Variants in ATP5PB observed in about 807,000 individuals in gnomAD.
ATP5PB encodes the protein ATP synthase peripheral stalk subunit b, mitochondrial.
Under a neutral mutation model 34.5 loss-of-function variants are expected in ATP5PB, and 21 were observed. The ratio of observed to expected loss-of-function variants is 0.61; its 90% CI spans 0.43 to 0.88. ATP5PB has a LOEUF of 0.88. ATP5PB is among the 40% of genes least tolerant of loss of function. The pLI is 0.00. For missense variants in ATP5PB, 293 were observed against 317.4 expected (o/e 0.92, Z 0.58); for synonymous variants, 108 against 114.1 (o/e 0.95, Z 0.34).
At chr1:111,455,586 G>A (rs1391683386) in intron 3 of ATP5PB, among the ~76,000 whole-genome samples, 6 of 152,178 alleles carry the variant, frequency 3.9e-5, no homozygotes, top group Admixed American at 3.9e-4. Flanking sequence ...TACAGGAATT[G>A]AGAATCCTAA....
intron 2 of ATP5PB, among the ~76,000 whole-genome samples, chr1:111,450,370 G>A (rs528263835): frequency 6.6e-6 from 1 of 152,286 alleles, no homozygotes; most frequent in South Asian, 2.1e-4. Flanking sequence ...ACAAGAATGA[G>A]TATGGCTAAT....
At position 111,449,650 on chromosome 1, in the gene ATP5PB, G is replaced by A. The variant is rs1571373250; in HGVS notation, c.40+69G>A. ...AAGAAGCGAATCTAGGGGTGACAGGGAGGGGAGAAGGGCGCAGCGACACGG... is the reference window on the plus strand; with the variant it reads ...AAGAAGCGAATCTAGGGGTGACAGGAAGGGGAGAAGGGCGCAGCGACACGG... On this transcript the variant is annotated intron_variant, in intron 1 of 6. Coordinates refer to ENST00000369722, the MANE Select transcript of ATP5PB (RefSeq NM_001688.5). 5 of 1,560,012 alleles carry A rather than the reference G, an allele frequency of 3.2e-6. No individual in the cohort carries two copies. In the East Asian group the frequency reaches 9.0e-5, roughly 28 times the overall value.
chr1:111,456,816 A>G, intron 5 of ATP5PB, 61 bp downstream of exon 5: 1 of 1,487,350 alleles, frequency 6.7e-7, no homozygotes, highest in Non-Finnish European at 8.9e-7. Context: ...TTTTTAATTC[A>G]GAATTTTTTA....
intron 5 of ATP5PB, among the ~76,000 whole-genome samples, chr1:111,457,969 C>T (rs537337210): frequency 2.0e-5 from 3 of 152,232 alleles, no homozygotes; most frequent in South Asian, 4.2e-4. Flanking sequence ...TCCTAAGAGT[C>T]AAATGATAGT....
In ATP5PB at chr1:111,462,403, G is replaced by C. The variant is rs1437582974; in HGVS notation, c.*1409G>C. The C allele has an allele frequency of 6.6e-6, 1 of 152,136 alleles. No homozygotes were observed. Among genetic ancestry groups the C allele is most frequent in the African/African-American group, 2.4e-5 (1 of 41,418 alleles). The allele number at this position is 152,136 out of a possible 1,614,324, so 9.4% of individuals were successfully genotyped here. A position where few individuals can be genotyped will look rare whatever the true frequency, so the allele number is the denominator to read the frequency against. On this transcript the variant is annotated 3_prime_UTR_variant, in exon 7 of 7. Transcript: ENST00000369722. ...ATGTATTTAATACTGTTCTTAAATG[G>C]TACACTTAAAAATGGTAAATTTTAT...
At chr1:111,453,427 C>T (rs1239979442) in intron 2 of ATP5PB, among the ~76,000 whole-genome samples, 3 of 148,914 alleles carry the variant, frequency 2.0e-5, no homozygotes, top group African/African-American at 7.4e-5. Context: ...AAAGATAAAA[C>T]CAGAGAAGTC....
At chr1:111,457,879 A>G (rs1194331558) in intron 5 of ATP5PB, among the ~76,000 whole-genome samples, 1 of 152,248 alleles carries the variant, frequency 6.6e-6, no homozygotes, top group East Asian at 1.9e-4. Context: ...TGCTTCTTGC[A>G]TAGTATATAC....
At chr1:111,454,941 T>A (rs1402994867) in intron 3 of ATP5PB, among the ~76,000 whole-genome samples, 3 of 152,236 alleles carry the variant, frequency 2.0e-5, no homozygotes, top group African/African-American at 7.2e-5. Flanking sequence ...AAGTGCCTGC[T>A]GTCCTGGAAC....
chr1:111,453,402 T>C (rs1653385484), intron 2 of ATP5PB, among the ~76,000 whole-genome samples: 1 of 146,144 alleles, frequency 6.8e-6, no homozygotes, highest in South Asian at 2.1e-4. Flanking sequence ...GTATACCTCA[T>C]TAAAAAAAAA....
intron 6 of ATP5PB, among the ~76,000 whole-genome samples, chr1:111,460,436 GT>G (rs532728250): frequency 0.089 from 11,142 of 125,770 alleles, 964 homozygotes; most frequent in African/African-American, 0.23. Flanking sequence ...GTCTATCAAA[GT>G]TTTTTTTTTT....
Position 111,456,674 on chromosome 1 carries a change from A to G in ATP5PB, c.432A>G (p.Gln144=). 1 of 1,613,810 alleles carries G rather than the reference A, an allele frequency of 6.2e-7. No homozygotes were observed. The highest frequency in any genetic ancestry group is 8.5e-7 in the Non-Finnish European group (1 of 1,179,898). The part of the protein sequence containing the change: ...QLEEAKQASI[Q]HIQNAIDTEK... ...AAGAGGCGAAGCAGGCTTCCATCCA[A>G]CACATCCAGAATGCAATTGATACGG... The change falls in exon 5 of 7, where the codon CAA becomes CAG. Residue 144 remains glutamine, a synonymous_variant. Coordinates refer to ENST00000369722, the MANE Select transcript of ATP5PB (RefSeq NM_001688.5).
chr1:111,449,511 G>A lies in ATP5PB; in HGVS notation c.-31G>A, dbSNP rs776750889. The A allele has an allele frequency of 5.6e-6, 9 of 1,614,022 alleles. No individual in the cohort carries two copies. In the Admixed American group the frequency reaches 1.5e-4, roughly 27 times the overall value. On this transcript the variant is annotated 5_prime_UTR_variant, in exon 1 of 7. Coordinates refer to ENST00000369722, the MANE Select transcript of ATP5PB (RefSeq NM_001688.5). Reference sequence around the variant, plus strand: ...ATTCTCCTATCGGGGTCACAGGGACGCTAAGATTGCTACCTGGACTTTCGT... The same window carrying A: ...ATTCTCCTATCGGGGTCACAGGGACACTAAGATTGCTACCTGGACTTTCGT...
Position 111,453,867 on chromosome 1 carries a change from G to T in ATP5PB, c.78-344G>T, listed in dbSNP as rs547551803. On this transcript the variant is annotated intron_variant, in intron 2 of 6. Coordinates refer to ENST00000369722, the MANE Select transcript of ATP5PB (RefSeq NM_001688.5). The stretch of plus-strand genomic sequence containing the variant: ...TTCTTTACTCAAAGTCAAGGAGCAG[G>T]TCTAGGATTTGAACTCAAGATGCCT... Among the ~76,000 whole-genome samples, 9 of 152,282 alleles carry T rather than the reference G, an allele frequency of 5.9e-5. No homozygotes were observed. In the South Asian group the frequency reaches 1.2e-3, roughly 21 times the overall value.
Position 111,449,480 on chromosome 1 carries a change from T to G in ATP5PB, c.-62T>G, listed in dbSNP as rs576814686. 1 of 1,614,112 alleles carries G rather than the reference T, an allele frequency of 6.2e-7. No homozygotes were observed. Among genetic ancestry groups the G allele is most frequent in the Non-Finnish European group, 8.5e-7 (1 of 1,180,038 alleles). Reference sequence around the variant, plus strand: ...GTGAGCGGCCATCTTGGTCCTGCCCTGACAGATTCTCCTATCGGGGTCACA... The same window carrying G: ...GTGAGCGGCCATCTTGGTCCTGCCCGGACAGATTCTCCTATCGGGGTCACA... On this transcript the variant is annotated 5_prime_UTR_variant, in exon 1 of 7. Coordinates refer to ENST00000369722, the MANE Select transcript of ATP5PB (RefSeq NM_001688.5).
rs371332122 is a variant in ATP5PB at position 111,459,450 on chromosome 1, G to A, written c.514-7G>A. Reference sequence around the variant, plus strand: ...ACAATATTTATCATTTCTTAATTTTGCCCCAGAATAACATTGCTATGGCTT... The same window carrying A: ...ACAATATTTATCATTTCTTAATTTTACCCCAGAATAACATTGCTATGGCTT... On this transcript the variant is annotated splice_region_variant and splice_polypyrimidine_tract_variant and intron_variant, in intron 5 of 6. Transcript: ENST00000369722. 23 of 1,593,278 alleles carry A rather than the reference G, an allele frequency of 1.4e-5. No homozygotes were observed. Among genetic ancestry groups the A allele is most frequent in the Non-Finnish European group, 1.9e-5 (22 of 1,167,818 alleles).
At chr1:111,452,234 G>A (rs1005215602) in intron 2 of ATP5PB, among the ~76,000 whole-genome samples, 1 of 152,146 alleles carries the variant, frequency 6.6e-6, no homozygotes, top group Non-Finnish European at 1.5e-5. Context: ...AGAAACATTG[G>A]CAGTAATGTG....
chr1:111,449,876 A>G lies in ATP5PB; in HGVS notation c.77+3A>G. Reference sequence around the variant, plus strand: ...AATGCAGCCTTCCTAGGTCCAGGGTAAGTGTGAGGATAATGCTCCCTTTCG... The same window carrying G: ...AATGCAGCCTTCCTAGGTCCAGGGTGAGTGTGAGGATAATGCTCCCTTTCG... On this transcript the variant is annotated splice_donor_region_variant and intron_variant, in intron 2 of 6. Transcript: ENST00000369722. 6.2e-7 allele frequency: 1 copy of G among 1,614,054 alleles called. No homozygotes were observed. Among genetic ancestry groups the G allele is most frequent in the Non-Finnish European group, 8.5e-7 (1 of 1,179,972 alleles).
At chr1:111,453,682 C>T (rs1653391863) in intron 2 of ATP5PB, among the ~76,000 whole-genome samples, 1 of 152,196 alleles carries the variant, frequency 6.6e-6, no homozygotes, top group South Asian at 2.1e-4. Context: ...ACATATCAGG[C>T]ATATAATAGC....
chr1:111,455,837 G>A (rs770295268), intron 3 of ATP5PB, among the ~76,000 whole-genome samples: 6 of 152,134 alleles, frequency 3.9e-5, no homozygotes, highest in Non-Finnish European at 7.4e-5. Context: ...TTACAAATAA[G>A]GAACTAAATT....
Sources: allele counts gnomAD v4.1 joint callset (sites outside exome capture counted in the v4.1 genomes callset), GRCh38; gene constraint gnomAD v4.1.1; transcripts MANE v1.5; gene names NCBI Gene and HGNC (gene_info 2026-07-23, HGNC 2026-07-21).